NPFFR2: variants seen among roughly 807,000 people sequenced by gnomAD.
NPFFR2 encodes the protein neuropeptide FF receptor 2.
A neutral mutation model predicts 13.1 loss-of-function variants in NPFFR2; 15 were observed. That is an observed-to-expected ratio of 1.15 (90% CI 0.77 to 1.76). NPFFR2 has a LOEUF of 1.76. Ranked by LOEUF, NPFFR2 falls within the 40% of genes most tolerant of loss-of-function variation. The pLI is 0.00. For missense variants in NPFFR2, 572 were observed against 503.5 expected (o/e 1.14, Z -1.30); for synonymous variants, 190 against 175.7 (o/e 1.08, Z -0.65).
At chr4:72,048,958 G>A (rs1719464218) in intron 1 of NPFFR2, among the ~76,000 whole-genome samples, 1 of 151,962 alleles carries the variant, frequency 6.6e-6, no homozygotes, top group Admixed American at 6.6e-5. Context: ...ATCTACCCTA[G>A]TTCACAATTT....
intron 1 of NPFFR2, among the ~76,000 whole-genome samples, chr4:72,070,455 A>G (rs1159741295): frequency 1.3e-5 from 2 of 151,966 alleles, no homozygotes; most frequent in African/African-American, 4.8e-5. Context: ...TAAGAAAATT[A>G]TCCTTGGCTA....
chr4:72,119,395 A>G (rs916858634), intron 1 of NPFFR2, among the ~76,000 whole-genome samples: 1 of 152,242 alleles, frequency 6.6e-6, no homozygotes, highest in African/African-American at 2.4e-5. Context: ...ATTATTTATA[A>G]TACTATTAAA....
At chr4:72,082,970 G>A (rs561647036) in intron 1 of NPFFR2, among the ~76,000 whole-genome samples, 3 of 152,004 alleles carry the variant, frequency 2.0e-5, no homozygotes, top group Admixed American at 6.6e-5. Flanking sequence ...GTTCATCTGC[G>A]TTGTTGCAAA....
chr4:72,146,829 A>G (rs1722794159), intron 3 of NPFFR2, 149 bp from the exon 4 acceptor site: 1 of 620,524 alleles, frequency 1.6e-6, no homozygotes, highest in South Asian at 2.1e-5. Context: ...GAAAATGACA[A>G]TGCATGCCTT....
At chr4:72,114,381 CT>C (rs1395997986) in intron 1 of NPFFR2, among the ~76,000 whole-genome samples, 3 of 151,914 alleles carry the variant, frequency 2.0e-5, no homozygotes, top group Non-Finnish European at 2.9e-5. Flanking sequence ...ATTGGTACCC[CT>C]ATAAGAATTC....
chr4:72,098,182 A>T (rs1721124859), intron 1 of NPFFR2, among the ~76,000 whole-genome samples: 7 of 152,230 alleles, frequency 4.6e-5, no homozygotes, highest in Admixed American at 4.6e-4. Flanking sequence ...ATGATATTTT[A>T]TGAAATCTAT....
chr4:72,122,634 T>A (rs72857435), intron 1 of NPFFR2, among the ~76,000 whole-genome samples: 10,707 of 152,118 alleles, frequency 0.07, 1,150 homozygotes, highest in African/African-American at 0.23. Context: ...AAACCGAACA[T>A]TCTGCTCCCA....
intron 1 of NPFFR2, among the ~76,000 whole-genome samples, chr4:72,032,733 AG>A (rs905242733): frequency 5.9e-5 from 9 of 152,304 alleles, no homozygotes; most frequent in African/African-American, 2.2e-4. Flanking sequence ...GGAGTGAGAT[AG>A]GGTTTCCAGA....
intron 1 of NPFFR2, among the ~76,000 whole-genome samples, chr4:72,100,635 G>T (rs547858395): frequency 9.9e-5 from 15 of 152,052 alleles, no homozygotes; most frequent in African/African-American, 3.6e-4. Flanking sequence ...AACTAAAATA[G>T]AATTTAAAAG....
chr4:72,074,647 A>C lies in NPFFR2; in HGVS notation c.-8+42447A>C, dbSNP rs180801725. 4.6e-5 allele frequency among the ~76,000 whole-genome samples: 7 copies of C among 152,248 alleles called. No individual in the cohort carries two copies. In the East Asian group the frequency reaches 1.4e-3, roughly 29 times the overall value. The stretch of plus-strand genomic sequence containing the variant: ...GGACTACTATATAGAAAAAAAATCA[A>C]AATGACAGAAATAAGACCCTACTAC... On this transcript the variant is annotated intron_variant, in intron 1 of 3. Transcript: ENST00000308744.
At chr4:72,122,467 T>A (rs1259471138) in intron 1 of NPFFR2, among the ~76,000 whole-genome samples, 1 of 152,120 alleles carries the variant, frequency 6.6e-6, no homozygotes, top group East Asian at 1.9e-4. Context: ...CAGCACCACG[T>A]CACACTTATT....
chr4:72,108,414 G>A (rs949401070), intron 1 of NPFFR2, among the ~76,000 whole-genome samples: 4 of 151,802 alleles, frequency 2.6e-5, no homozygotes, highest in African/African-American at 9.7e-5. Flanking sequence ...TCCTGGTATT[G>A]GGGGAGAAAT....
intron 1 of NPFFR2, among the ~76,000 whole-genome samples, chr4:72,108,134 T>G (rs1392497446): frequency 1.3e-5 from 2 of 151,960 alleles, no homozygotes; most frequent in African/African-American, 4.8e-5. Flanking sequence ...GGTTTTGCAG[T>G]GTTATATACC....
chr4:72,079,053 A>C lies in NPFFR2; in HGVS notation c.-8+46853A>C, dbSNP rs113254383. ...ATGTGTTATAAAATGCATAGAACTA[A>C]ACACACACACACACACACACACACA... On this transcript the variant is annotated intron_variant, in intron 1 of 3. Coordinates refer to ENST00000308744, the MANE Select transcript of NPFFR2 (RefSeq NM_004885.3). Among the ~76,000 whole-genome samples the C allele has an allele frequency of 5.8e-3, 812 of 139,184 alleles. 8 individuals carry two copies. Among genetic ancestry groups the C allele is most frequent in the African/African-American group, 0.02 (781 of 38,728 alleles). The allele number at this position is 139,184 out of a possible 152,430, so 91.3% of individuals were successfully genotyped here. A position where few individuals can be genotyped will look rare whatever the true frequency, so the allele number is the denominator to read the frequency against.
At chr4:72,116,980 T>C (rs577784117) in intron 1 of NPFFR2, among the ~76,000 whole-genome samples, 2 of 152,202 alleles carry the variant, frequency 1.3e-5, no homozygotes, top group East Asian at 3.9e-4. Flanking sequence ...AGAGGCCAGC[T>C]GTTCCAGGAT....
At chr4:72,137,087 A>T (rs749443421) in intron 2 of NPFFR2, among the ~76,000 whole-genome samples, 67 of 152,176 alleles carry the variant, frequency 4.4e-4, no homozygotes, top group Admixed American at 7.9e-4. Context: ...TGAAAAAGAC[A>T]TTCTCTTTTA....
In NPFFR2 at chr4:72,147,655, G is replaced by A; in HGVS notation, c.1106G>A (p.Ser369Asn). ...GAAGCTTATGCCCTAAAAGCTAAAA[G>A]CCATGTGCTCATAAACACATCTAAT... ...PMEAYALKAK[S>N]HVLINTSNQL... is the part of the protein sequence containing the mutation. Residue 369 changes from serine to asparagine, a missense_variant, in exon 4 of 4, where the codon AGC becomes AAC. By Grantham distance (46) the Ser-to-Asn change is conservative (BLOSUM62 1). Transcript: ENST00000308744. 3 of 1,614,098 alleles carry A rather than the reference G, an allele frequency of 1.9e-6. No individual in the cohort carries two copies. The highest frequency in any genetic ancestry group is 2.5e-6 in the Non-Finnish European group (3 of 1,180,022).
intron 1 of NPFFR2, among the ~76,000 whole-genome samples, chr4:72,083,031 G>T (rs1386364409): frequency 6.6e-6 from 1 of 151,942 alleles, no homozygotes; most frequent in Non-Finnish European, 1.5e-5. Flanking sequence ...TCCACTGTTT[G>T]TATGTGTATA....
chr4:72,073,303 C>A (rs965563402), intron 1 of NPFFR2, among the ~76,000 whole-genome samples: 1 of 151,934 alleles, frequency 6.6e-6, no homozygotes, highest in Non-Finnish European at 1.5e-5. Flanking sequence ...CAAAATATCT[C>A]CTGTACCCCA....
Sources: gnomAD v4.1 joint callset for allele counts (sites outside exome capture counted in the v4.1 genomes callset) on GRCh38, gnomAD v4.1.1 for gene constraint, MANE v1.5 for transcripts, NCBI Gene and HGNC (gene_info 2026-07-23, HGNC 2026-07-21) for gene names.